EBF2: variants seen among roughly 807,000 people sequenced by gnomAD.
EBF2 encodes EBF transcription factor 2.
A neutral mutation model predicts 72.8 loss-of-function variants in EBF2; 21 were observed. The ratio of observed to expected loss-of-function variants is 0.29; its 90% CI spans 0.20 to 0.42. EBF2 has a LOEUF of 0.42. EBF2 is among the 10% of genes least tolerant of loss of function. EBF2 has a pLI of 1.00. For missense variants in EBF2, 637 were observed against 731.2 expected, an observed-to-expected ratio of 0.87 and a Z score of 1.49; for synonymous variants, 299 against 274.2, an observed-to-expected ratio of 1.09 and a Z score of -0.89.
chr8:25,900,384 A>G (rs1234494185), intron 7 of EBF2, among the ~76,000 whole-genome samples: 2 of 152,192 alleles, frequency 1.3e-5, no homozygotes, highest in African/African-American at 4.8e-5. Context: ...ACTTATGCCC[A>G]AAAGACCAAG....
chr8:26,025,811 G>A (rs949834753), intron 6 of EBF2, among the ~76,000 whole-genome samples: 3 of 152,056 alleles, frequency 2.0e-5, no homozygotes, highest in Non-Finnish European at 4.4e-5. Context: ...ATTCACATTG[G>A]ATAGATAATC....
chr8:25,882,729 G>C (rs1218724248), intron 10 of EBF2, among the ~76,000 whole-genome samples: 2 of 152,148 alleles, frequency 1.3e-5, no homozygotes, highest in Non-Finnish European at 2.9e-5. Flanking sequence ...AATTCAGAAG[G>C]CAAGCCACAC....
chr8:25,864,799 ATT>A (rs568818867), intron 10 of EBF2, among the ~76,000 whole-genome samples: 4,564 of 137,940 alleles, frequency 0.033, 220 homozygotes, highest in African/African-American at 0.11. Context: ...TTTCTCAACT[ATT>A]TTTTTTTTTT....
chr8:25,907,733 TTTTAA>T (rs1803061209), intron 7 of EBF2, among the ~76,000 whole-genome samples: 2 of 152,166 alleles, frequency 1.3e-5, no homozygotes, highest in African/African-American at 4.8e-5. Flanking sequence ...TTTAACATGT[TTTTAA>T]TTTTTCTATG....
Position 26,045,229 on chromosome 8 carries a change from C to A in EBF2, c.-370G>T, listed in dbSNP as rs530852098. Reference sequence around the variant, plus strand: ...AATTGATGGCTGCCTAATCTCTCCCCTTCCTCCAGGTCCCCCCTCCCTGCT... The same window carrying A: ...AATTGATGGCTGCCTAATCTCTCCCATTCCTCCAGGTCCCCCCTCCCTGCT... On this transcript the variant is annotated 5_prime_UTR_variant, in exon 1 of 16. The change creates a new upstream start codon in the 5' untranslated region. Transcript: ENST00000520164. 1.2e-5 allele frequency: 2 copies of A among 160,346 alleles called. No homozygotes were observed. The highest frequency in any genetic ancestry group is 1.8e-4 in the East Asian group (1 of 5,658). The allele number at this position is 160,346 out of a possible 1,614,324, so 9.9% of individuals were successfully genotyped here. A position where few individuals can be genotyped will look rare whatever the true frequency, so the allele number is the denominator to read the frequency against.
intron 5 of EBF2, among the ~76,000 whole-genome samples, chr8:26,039,158 C>G (rs574135926): frequency 2.4e-4 from 37 of 151,952 alleles, no homozygotes; most frequent in African/African-American, 8.2e-4. Context: ...ATACCGGGCA[C>G]ACGTTAGGCA....
chr8:25,888,487 A>G (rs1315192611), intron 8 of EBF2, among the ~76,000 whole-genome samples: 1 of 152,196 alleles, frequency 6.6e-6, no homozygotes, highest in Non-Finnish European at 1.5e-5. Flanking sequence ...TTATAAGTTG[A>G]TCACACTGGA....
intron 14 of EBF2, among the ~76,000 whole-genome samples, chr8:25,855,697 GA>G (rs1209867191): frequency 6.6e-6 from 1 of 152,174 alleles, no homozygotes; most frequent in Non-Finnish European, 1.5e-5. Context: ...TGGCTGGCTA[GA>G]AATACAGGTC....
chr8:25,912,645 C>A (rs565468993), intron 6 of EBF2, among the ~76,000 whole-genome samples: 1 of 152,208 alleles, frequency 6.6e-6, no homozygotes, highest in East Asian at 1.9e-4. Context: ...CTGCTGAATT[C>A]ATTTATTTAC....
At chr8:25,898,455 A>G (rs1241677668) in intron 7 of EBF2, among the ~76,000 whole-genome samples, 1 of 152,102 alleles carries the variant, frequency 6.6e-6, no homozygotes, top group Non-Finnish European at 1.5e-5. Context: ...GCAATTAAAA[A>G]AAAAAAAACC....
At chr8:26,038,143 A>G (rs1170205869) in intron 5 of EBF2, among the ~76,000 whole-genome samples, 3 of 152,142 alleles carry the variant, frequency 2.0e-5, no homozygotes, top group Non-Finnish European at 4.4e-5. Context: ...GGATGCATCT[A>G]ATATTTGCCA....
rs565173946 is a variant in EBF2 at position 25,887,899 on chromosome 8, C to T, written c.825G>A (p.Gly275=). ...TTGGAMVIII[G]DNFFDGLQVV... Reference sequence around the variant, plus strand: ...CTTGGAGACCATCAAAGAAGTTGTCCCCGATGATGATGACCATGGCTCCTC... The same window carrying T: ...CTTGGAGACCATCAAAGAAGTTGTCTCCGATGATGATGACCATGGCTCCTC... Residue 275 remains glycine, a synonymous_variant, in exon 9 of 16, where the codon GGG becomes GGA. Transcript: ENST00000520164. 6.2e-7 allele frequency: 1 copy of T among 1,613,640 alleles called. No homozygotes were observed. The highest frequency in any genetic ancestry group is 8.5e-7 in the Non-Finnish European group (1 of 1,179,834).
chr8:25,848,141 G>T, intron 15 of EBF2, among the ~76,000 whole-genome samples: 1 of 152,136 alleles, frequency 6.6e-6, no homozygotes, highest in Non-Finnish European at 1.5e-5. Flanking sequence ...TGGGACTATA[G>T]GTGTGTGCCA....
intron 10 of EBF2, among the ~76,000 whole-genome samples, chr8:25,882,698 A>G (rs1802624219): frequency 6.6e-6 from 1 of 152,168 alleles, no homozygotes; most frequent in Admixed American, 6.5e-5. Context: ...AGGTTAAGTC[A>G]CTTCCCCAAG....
chr8:26,013,783 A>C (rs1355194344), intron 6 of EBF2, among the ~76,000 whole-genome samples: 1 of 152,184 alleles, frequency 6.6e-6, no homozygotes, highest in East Asian at 1.9e-4. Flanking sequence ...ATATGAAATC[A>C]GACAGTGTAA....
intron 6 of EBF2, among the ~76,000 whole-genome samples, chr8:25,943,311 CAAAA>C (rs71551840): frequency 6.6e-4 from 39 of 59,152 alleles, no homozygotes; most frequent in Middle Eastern, 8.9e-3. Flanking sequence ...TGTCTCTACA[CAAAA>C]AAAAAAAAAA....
At position 25,873,553 on chromosome 8, in the gene EBF2, G is replaced by A. The variant is rs892954117; in HGVS notation, c.1010-10756C>T. ...ATATAGGAACACATTATTAAGAGGC[G>A]GTACCTGCCTTTGTGGACACAGGAA... On this transcript the variant is annotated intron_variant, in intron 10 of 15. Transcript: ENST00000520164. Among the ~76,000 whole-genome samples the A allele has an allele frequency of 2.6e-5, 4 of 152,200 alleles. No homozygotes were observed. In the South Asian group the frequency reaches 6.2e-4, roughly 24 times the overall value.
chr8:25,904,085 G>A (rs542039412), intron 7 of EBF2, among the ~76,000 whole-genome samples: 14 of 152,208 alleles, frequency 9.2e-5, no homozygotes, highest in African/African-American at 3.1e-4. Context: ...GGCTTTAAAT[G>A]AATTCCATTT....
intron 10 of EBF2, among the ~76,000 whole-genome samples, chr8:25,871,961 TAA>T (rs1291547124): frequency 1.4e-5 from 2 of 144,988 alleles, no homozygotes. Context: ...AACCACTCTT[TAA>T]AAAAAAAAAA....
Sources: gnomAD v4.1 joint callset for allele counts (sites outside exome capture counted in the v4.1 genomes callset) on GRCh38, gnomAD v4.1.1 for gene constraint, MANE v1.5 for transcripts, NCBI Gene and HGNC (gene_info 2026-07-23, HGNC 2026-07-21) for gene names.